Variants in IYD observed in about 807,000 individuals in gnomAD.
The protein encoded by IYD is iodotyrosine deiodinase 1.
IYD carries 25 observed loss-of-function variants against 28.4 expected under a neutral mutation model. The observed-to-expected ratio is 0.88, with a 90% CI of 0.64 to 1.23. The LOEUF is 1.23. IYD is among the 50% of genes most tolerant of loss of function. The pLI, the probability that IYD is intolerant of heterozygous loss-of-function variation, is 0.00. For missense variants in IYD, 352 were observed against 357.9 expected, an observed-to-expected ratio of 0.98 and a Z score of 0.13; for synonymous variants, 140 against 130.8, an observed-to-expected ratio of 1.07 and a Z score of -0.48.
chr6:150,392,826 A>G (rs1778174251), intron 3 of IYD, among the ~76,000 whole-genome samples: 1 of 152,262 alleles, frequency 6.6e-6, no homozygotes. Flanking sequence ...CAGGTCTTCC[A>G]AATGATTTTA....
intron 1 of IYD, among the ~76,000 whole-genome samples, chr6:150,371,604 C>T (rs1206839033): frequency 6.6e-6 from 1 of 152,210 alleles, no homozygotes; most frequent in Non-Finnish European, 1.5e-5. Flanking sequence ...TTCTCTGGCT[C>T]TCTGCCTGAT....
rs370867102 is a variant in IYD, at chr6:150,394,182, G to C, written c.614G>C (p.Gly205Ala). 3.7e-6 allele frequency: 6 copies of C among 1,614,006 alleles called. No individual in the cohort carries two copies. Among genetic ancestry groups the C allele is most frequent in the Non-Finnish European group, 5.1e-6 (6 of 1,180,024 alleles). Residue 205 changes from glycine to alanine, a missense_variant, in exon 4 of 5, where the codon GGC becomes GCC. Gly to Ala is a moderately conservative substitution (Grantham distance 60). Coordinates refer to ENST00000344419, the MANE Select transcript of IYD (RefSeq NM_203395.3). ...FKQVHGFAAN[G>A]KKKVHYYNEI... is the part of the protein sequence containing the mutation. ...CAAGTACATGGTTTCGCCGCAAATG[G>C]CAAGAAAAAAGTCCACTACTACAAT...
chr6:150,381,834 C>T (rs1285808369), intron 1 of IYD, among the ~76,000 whole-genome samples: 1 of 152,156 alleles, frequency 6.6e-6, no homozygotes, highest in Non-Finnish European at 1.5e-5. Flanking sequence ...TTCATTTTCA[C>T]TATTGTATAG....
intron 1 of IYD, among the ~76,000 whole-genome samples, chr6:150,383,807 A>AC (rs1777749198): frequency 3.5e-5 from 1 of 28,538 alleles, no homozygotes. Context: ...AAAAAAAAAA[A>AC]ACAAAAACAA....
intron 1 of IYD, among the ~76,000 whole-genome samples, chr6:150,373,662 T>C (rs768097575): frequency 9.9e-5 from 15 of 152,224 alleles, no homozygotes; most frequent in South Asian, 4.1e-4. Context: ...CAGTGGATAC[T>C]GGCAAGTGCT....
Position 150,402,186 on chromosome 6 carries a change from G to A in IYD, c.*3949G>A, listed in dbSNP as rs1051521051. 3 of 152,230 alleles carry A rather than the reference G, an allele frequency of 2.0e-5. No homozygotes were observed. The highest frequency in any genetic ancestry group is 4.8e-5 in the African/African-American group (2 of 41,456). 9.4% of individuals were successfully genotyped at this position (152,230 alleles called of 1,614,324 possible). A position where few individuals can be genotyped will look rare whatever the true frequency, so the allele number is the denominator to read the frequency against. On this transcript the variant is annotated 3_prime_UTR_variant, in exon 5 of 5. Coordinates refer to ENST00000344419, the MANE Select transcript of IYD (RefSeq NM_203395.3). ...TCCTCTGCAGGCCTGGAAACCCTCC[G>A]AGACAATTACTTGCATGGGGTAACC...
At chr6:150,392,261 AC>A in intron 2 of IYD, 83 bp from the exon 3 acceptor site, 1 of 1,603,602 alleles carries the variant, frequency 6.2e-7, no homozygotes, top group African/African-American at 1.3e-5. Context: ...AAGTGCTTGG[AC>A]TACAGGGATG....
At chr6:150,389,927 G>GT (rs977125921) in intron 2 of IYD, among the ~76,000 whole-genome samples, 95 of 151,764 alleles carry the variant, frequency 6.3e-4, no homozygotes, top group African/African-American at 1.9e-3. Flanking sequence ...AGTTATATTT[G>GT]TTTTTTTTGG....
intron 1 of IYD, among the ~76,000 whole-genome samples, chr6:150,387,443 A>T (rs536557169): frequency 9.3e-4 from 142 of 151,950 alleles, no homozygotes; most frequent in African/African-American, 3.2e-3. Context: ...AAAAAAAAAA[A>T]AAAAAGAATT....
chr6:150,397,382 A>C (rs1315070932), intron 4 of IYD, among the ~76,000 whole-genome samples: 2 of 152,026 alleles, frequency 1.3e-5, no homozygotes, highest in Non-Finnish European at 2.9e-5. Flanking sequence ...AAACCTGGGC[A>C]ATATGGCAAA....
intron 1 of IYD, among the ~76,000 whole-genome samples, chr6:150,380,963 G>A (rs1320358733): frequency 6.6e-6 from 1 of 152,228 alleles, no homozygotes; most frequent in African/African-American, 2.4e-5. Flanking sequence ...GTGGTCCATG[G>A]AATCCAGGGA....
rs755390469 is a variant in IYD at position 150,392,418 on chromosome 6, G to C, written c.444G>C (p.Lys148Asn). The change falls in exon 3 of 5, where the codon AAG becomes AAC. Residue 148 changes from lysine (K) to asparagine (N), a missense_variant. Lys to Asn is a moderately conservative substitution (Grantham distance 94, BLOSUM62 0). Coordinates refer to ENST00000344419, the MANE Select transcript of IYD (RefSeq NM_203395.3). Reference sequence around the variant, plus strand: ...TGAAGGACCCAGACGTGAAGCACAAGATTCGAAAGATCATTGAGGAGGAAG... The same window carrying C: ...TGAAGGACCCAGACGTGAAGCACAACATTCGAAAGATCATTGAGGAGGAAG... The part of the protein sequence containing the change: ...VVVKDPDVKH[K>N]IRKIIEEEEE... 6.2e-7 allele frequency: 1 copy of C among 1,613,848 alleles called. No individual in the cohort carries two copies. The highest frequency in any genetic ancestry group is 1.3e-5 in the African/African-American group (1 of 74,922).
In IYD at chr6:150,389,486, T is replaced by G. The variant is rs368637142; in HGVS notation, c.313T>G (p.Phe105Val). Residue 105 changes from phenylalanine to valine, a missense_variant, in exon 2 of 5, where the codon TTC (phenylalanine) becomes GTC (valine). Transcript: ENST00000344419. ...ELLNKRRSVR[F>V]ISNEQVPMEV... ...TCTCAATAAGAGACGGTCAGTCAGG[T>G]TCATAAGTAATGAGCAAGTCCCAAT... The G allele has an allele frequency of 3.1e-6, 5 of 1,613,980 alleles. No individual in the cohort carries two copies. The highest frequency in any genetic ancestry group is 3.4e-6 in the Non-Finnish European group (4 of 1,180,000).
chr6:150,381,008 A>G (rs373775226), intron 1 of IYD, among the ~76,000 whole-genome samples: 10 of 152,284 alleles, frequency 6.6e-5, no homozygotes, highest in East Asian at 1.9e-4. Flanking sequence ...GAGGTTTACA[A>G]TTTTACACTG....
intron 4 of IYD, chr6:150,395,607 G>A (rs768884980): frequency 2.0e-5 from 29 of 1,466,026 alleles, no homozygotes; most frequent in Non-Finnish European, 2.4e-5. Flanking sequence ...TTGCCATTGA[G>A]TTTGCTGCCC....
chr6:150,391,661 T>A (rs746487455), intron 2 of IYD, among the ~76,000 whole-genome samples: 1 of 152,170 alleles, frequency 6.6e-6, no homozygotes, highest in Non-Finnish European at 1.5e-5. Flanking sequence ...CTGCCAGGCA[T>A]TTGTTTTCCA....
Position 150,398,228 on chromosome 6 carries a change from G to A in IYD, c.861G>A (p.Val287=). 2 of 1,614,124 alleles carry A rather than the reference G, an allele frequency of 1.2e-6. No individual in the cohort carries two copies. Among genetic ancestry groups the A allele is most frequent in the Non-Finnish European group, 1.7e-6 (2 of 1,180,026 alleles). ...LKRKPLDQIM[V]TV ...GCAAACCTCTGGACCAGATCATGGT[G>A]ACAGTGTAGGCAGGGCCCCCCAAGG... The change falls in exon 5 of 5, where the codon GTG becomes GTA. Residue 287 remains valine (V), a synonymous_variant. Transcript: ENST00000344419.
At chr6:150,396,245 G>A (rs1004865486) in intron 4 of IYD, 1 of 387,232 alleles carries the variant, frequency 2.6e-6, no homozygotes, top group Non-Finnish European at 4.5e-6. Context: ...TCAGTTAGAT[G>A]TTAGTGAATA....
chr6:150,392,179 C>T lies in IYD; in HGVS notation c.371-166C>T, dbSNP rs142967160. ...AAGCAGCTGGGACTATAGGCACACA[C>T]CAGCACACCCTGCTAGTTAAAAAAA... is the stretch of plus-strand genomic sequence containing the variant. On this transcript the variant is annotated intron_variant, in intron 2 of 4. Coordinates refer to ENST00000344419, the MANE Select transcript of IYD (RefSeq NM_203395.3). 1.6e-3 allele frequency: 662 copies of T among 406,606 alleles called. 3 individuals carry two copies. The highest frequency in any genetic ancestry group is 1.7e-3 in the Admixed American group (26 of 15,570). The allele number at this position is 406,606 out of a possible 1,614,324, so 25.2% of individuals were successfully genotyped here.
Sources: gnomAD v4.1 joint callset for allele counts (sites outside exome capture counted in the v4.1 genomes callset) on GRCh38, gnomAD v4.1.1 for gene constraint, MANE v1.5 for transcripts, NCBI Gene and HGNC (gene_info 2026-07-23, HGNC 2026-07-21) for gene names.